Variants in ASAP1 observed in about 807,000 individuals in gnomAD.
ASAP1 encodes the protein ArfGAP with SH3 domain, ankyrin repeat and PH domain 1, also known as arf-GAP with SH3 domain, ANK repeat and PH domain-containing protein 1.
In ASAP1, 43 loss-of-function variants were observed where a neutral mutation model predicts 145.2. The observed-to-expected ratio is 0.30, with a 90% CI of 0.23 to 0.38. ASAP1 has a LOEUF of 0.38. ASAP1 is among the 10% of genes least tolerant of loss of function. The pLI, the probability that ASAP1 is intolerant of heterozygous loss-of-function variation, is 1.00. For synonymous variants in ASAP1, 546 were observed against 515.5 expected, an observed-to-expected ratio of 1.06 and a Z score of -0.80; for missense variants, 1,018 against 1,355.3, an observed-to-expected ratio of 0.75 and a Z score of 3.91.
At chr8:130,414,696 T>C (rs1019679005) in intron 1 of ASAP1, among the ~76,000 whole-genome samples, 1 of 152,180 alleles carries the variant, frequency 6.6e-6, no homozygotes, top group Non-Finnish European at 1.5e-5. Flanking sequence ...ATGAAATTCT[T>C]TTTTCTTGAT....
chr8:130,317,218 T>A (rs1823718529), intron 3 of ASAP1, among the ~76,000 whole-genome samples: 1 of 152,162 alleles, frequency 6.6e-6, no homozygotes. Flanking sequence ...TACATAAAAC[T>A]GGTACCTAAG....
At chr8:130,091,696 C>T (rs2097505758) in intron 25 of ASAP1, among the ~76,000 whole-genome samples, 1 of 152,180 alleles carries the variant, frequency 6.6e-6, no homozygotes, top group Non-Finnish European at 1.5e-5. Context: ...TATATATAAA[C>T]GAGACTAATA....
intron 14 of ASAP1, among the ~76,000 whole-genome samples, chr8:130,135,155 C>T (rs1402178730): frequency 2.0e-5 from 3 of 152,182 alleles, no homozygotes; most frequent in Admixed American, 6.5e-5. Context: ...TAGGCAGTCA[C>T]ACCCTTCATC....
intron 1 of ASAP1, among the ~76,000 whole-genome samples, chr8:130,429,164 G>C (rs1206075205): frequency 6.6e-6 from 1 of 152,176 alleles, no homozygotes; most frequent in African/African-American, 2.4e-5. Flanking sequence ...TTGGATCCAG[G>C]CTCGCCCTAA....
chr8:130,381,244 G>T (rs539143621), intron 2 of ASAP1, among the ~76,000 whole-genome samples: 1 of 152,182 alleles, frequency 6.6e-6, no homozygotes, highest in South Asian at 2.1e-4. Context: ...GCGCAGGTTG[G>T]TCTTAAACTC....
chr8:130,385,527 G>T (rs1827972560), intron 2 of ASAP1, among the ~76,000 whole-genome samples: 2 of 152,226 alleles, frequency 1.3e-5, no homozygotes, highest in Non-Finnish European at 2.9e-5. Context: ...GCGTGCCCAA[G>T]AGAGTCTCAG....
chr8:130,397,427 CACCAT>C (rs1423726105), intron 2 of ASAP1, among the ~76,000 whole-genome samples: 1 of 152,214 alleles, frequency 6.6e-6, no homozygotes, highest in Non-Finnish European at 1.5e-5. Context: ...AGGCATGAGC[CACCAT>C]GCCCAGCCCG....
Position 130,335,576 on chromosome 8 carries a change from G to C in ASAP1, c.186+22441C>G, listed in dbSNP as rs191888476. On this transcript the variant is annotated intron_variant, in intron 3 of 29. Coordinates refer to ENST00000518721, the MANE Select transcript of ASAP1 (RefSeq NM_018482.4). ...CATGATTCAAAGCCAGAAATCAACA[G>C]TGCCTAAAGAGCATACAACCACCCT... 2.5e-3 allele frequency among the ~76,000 whole-genome samples: 376 copies of C among 152,316 alleles called. 2 individuals carry two copies. The highest frequency in any genetic ancestry group is 6.8e-3 in the African/African-American group (284 of 41,578).
intron 2 of ASAP1, among the ~76,000 whole-genome samples, chr8:130,388,170 G>A (rs940747729): frequency 6.6e-6 from 1 of 152,232 alleles, no homozygotes; most frequent in Non-Finnish European, 1.5e-5. Flanking sequence ...CCTGAGACAG[G>A]ATAGCACTTG....
intron 2 of ASAP1, among the ~76,000 whole-genome samples, chr8:130,387,097 T>G (rs1828053785): frequency 6.6e-6 from 1 of 152,230 alleles, no homozygotes; most frequent in African/African-American, 2.4e-5. Context: ...AGCTCACAGT[T>G]TCCATTTTAA....
rs1278078790 is a variant in ASAP1 at position 130,167,205 on chromosome 8, G to A, written c.909+331C>T. Among the ~76,000 whole-genome samples the A allele has an allele frequency of 6.6e-5, 10 of 152,192 alleles. No individual in the cohort carries two copies. In the East Asian group the frequency reaches 1.5e-3, roughly 23 times the overall value. ...TGTAGTCCCAGCTACCTGGGAGGCT[G>A]AGGTGGAATGGTTGAGGTCAAGGCT... On this transcript the variant is annotated intron_variant, in intron 11 of 29. Transcript: ENST00000518721.
chr8:130,355,120 C>A (rs1459216716), intron 3 of ASAP1, among the ~76,000 whole-genome samples: 1 of 152,110 alleles, frequency 6.6e-6, no homozygotes, highest in Non-Finnish European at 1.5e-5. Flanking sequence ...CTCAAGTGAT[C>A]CACCTGCCTC....
At chr8:130,189,541 T>G (rs922930940) in intron 5 of ASAP1, among the ~76,000 whole-genome samples, 4 of 152,230 alleles carry the variant, frequency 2.6e-5, no homozygotes, top group African/African-American at 9.6e-5. Context: ...GTATTTTCTT[T>G]ATCTACTCAA....
chr8:130,309,817 G>C (rs2137525709), intron 3 of ASAP1, among the ~76,000 whole-genome samples: 1 of 152,264 alleles, frequency 6.6e-6, no homozygotes, highest in Non-Finnish European at 1.5e-5. Flanking sequence ...TGTACTGCCA[G>C]GTGAACTCCC....
chr8:130,118,365 CTT>C lies in ASAP1; in HGVS notation c.1795-121_1795-120del, dbSNP rs529953103. ...GCACACCTCTTCACTCTCATATTCT[CTT>C]GATTTAGACATGGCCACCCAATGTA... On this transcript the variant is annotated intron_variant, in intron 19 of 29. Coordinates refer to ENST00000518721, the MANE Select transcript of ASAP1 (RefSeq NM_018482.4). 6.4e-4 allele frequency: 856 copies of C among 1,344,094 alleles called. 3 individuals carry two copies. The highest frequency in any genetic ancestry group is 4.3e-3 in the Middle Eastern group (23 of 5,388). The allele number at this position is 1,344,094 out of a possible 1,614,324, so 83.3% of individuals were successfully genotyped here. A position where few individuals can be genotyped will look rare whatever the true frequency, so the allele number is the denominator to read the frequency against.
At chr8:130,153,339 A>ATATATACATATATATATATATATG (rs2097650919) in intron 12 of ASAP1, among the ~76,000 whole-genome samples, 1 of 47,744 alleles carries the variant, frequency 2.1e-5, no homozygotes, top group African/African-American at 6.3e-5. Flanking sequence ...TTAAATATAT[A>ATATATACATATATATATATATATG]TATATATATA....
intron 9 of ASAP1, among the ~76,000 whole-genome samples, chr8:130,170,737 C>A (rs967013121): frequency 1.8e-4 from 27 of 152,092 alleles, no homozygotes; most frequent in African/African-American, 6.3e-4. Flanking sequence ...CCTCATCTCT[C>A]TCTCTCTCTC....
chr8:130,214,781 C>G, intron 4 of ASAP1, 80 bp from the exon 5 acceptor site: 3 of 1,208,526 alleles, frequency 2.5e-6, no homozygotes, highest in Non-Finnish European at 3.4e-6. Flanking sequence ...CCGATCACTA[C>G]GAATTCTCAA....
intron 2 of ASAP1, among the ~76,000 whole-genome samples, chr8:130,390,561 C>CT (rs1828231463): frequency 6.6e-6 from 1 of 152,226 alleles, no homozygotes; most frequent in Non-Finnish European, 1.5e-5. Context: ...CTGACATACT[C>CT]TGAGTGCCGT....
Sources: allele counts gnomAD v4.1 joint callset (sites outside exome capture counted in the v4.1 genomes callset), GRCh38; gene constraint gnomAD v4.1.1; transcripts MANE v1.5; gene names NCBI Gene and HGNC (gene_info 2026-07-23, HGNC 2026-07-21).